GLS: variants seen among roughly 807,000 people sequenced by gnomAD.
The protein encoded by GLS is glutaminase kidney isoform, mitochondrial.
GLS carries 36 observed loss-of-function variants against 86.7 expected under a neutral mutation model. That is an observed-to-expected ratio of 0.42 (90% CI 0.32 to 0.55). GLS has a LOEUF of 0.55. Ranked by LOEUF, GLS falls within the 20% of genes least tolerant of loss-of-function variation. The pLI, the probability that GLS is intolerant of heterozygous loss-of-function variation, is 0.17. For missense variants in GLS, 528 were observed against 833.4 expected (o/e 0.63, Z 4.51); for synonymous variants, 317 against 305.9 (o/e 1.04, Z -0.38).
In GLS at chr2:190,920,898, A is replaced by G. The variant is rs926391792; in HGVS notation, c.1039-126A>G. The G allele has an allele frequency of 3.3e-5, 19 of 578,136 alleles. No homozygotes were observed. Among genetic ancestry groups the G allele is most frequent in the African/African-American group, 3.2e-4 (17 of 53,532 alleles). The allele number at this position is 578,136 out of a possible 1,614,324, so 35.8% of individuals were successfully genotyped here. A position where few individuals can be genotyped will look rare whatever the true frequency, so the allele number is the denominator to read the frequency against. ...ATAAATGTTAAATTACTTTAGAACT[A>G]TTTCCTAGATTTAAAAATACTAATG... On this transcript the variant is annotated intron_variant, in intron 7 of 17. Coordinates refer to ENST00000320717, the MANE Select transcript of GLS (RefSeq NM_014905.5). This position sits in a 1 kb window ranked among gnomAD's most constrained non-coding sequence, Gnocchi z 4.2.
In GLS at chr2:190,905,882, T is replaced by C. The variant is rs537547810; in HGVS notation, c.979+715T>C. On this transcript the variant is annotated intron_variant, in intron 6 of 17. Transcript: ENST00000320717. This position sits in a 1 kb window ranked among gnomAD's most constrained non-coding sequence, Gnocchi z 4.6. Reference sequence around the variant, plus strand: ...TGTTTCTGATTGATGAGTTAAGATATAGAATTGAAGAAAGTGAGAGCGAAG... The same window carrying C: ...TGTTTCTGATTGATGAGTTAAGATACAGAATTGAAGAAAGTGAGAGCGAAG... Among the ~76,000 whole-genome samples, 2 of 152,198 alleles carry C rather than the reference T, an allele frequency of 1.3e-5. No homozygotes were observed. Among genetic ancestry groups the C allele is most frequent in the Non-Finnish European group, 2.9e-5 (2 of 67,958 alleles).
chr2:190,917,492 G>A (rs138520274), intron 7 of GLS, among the ~76,000 whole-genome samples: 34 of 152,138 alleles, frequency 2.2e-4, no homozygotes, highest in African/African-American at 7.7e-4. Flanking sequence ...TTGATATTTC[G>A]ACCACCTATG....
chr2:190,914,443 T>A lies in GLS; in HGVS notation c.1038+4122T>A, dbSNP rs963527429. 2.0e-5 allele frequency among the ~76,000 whole-genome samples: 3 copies of A among 151,922 alleles called. No individual in the cohort carries two copies. The highest frequency in any genetic ancestry group is 7.2e-5 in the African/African-American group (3 of 41,404). Reference sequence around the variant, plus strand: ...AGTTTATGCTTTAGTTTTTTTTTTTTAATGAAAGGTAGAGCATTTATTGTC... The same window carrying A: ...AGTTTATGCTTTAGTTTTTTTTTTTAAATGAAAGGTAGAGCATTTATTGTC... On this transcript the variant is annotated intron_variant, in intron 7 of 17. Transcript: ENST00000320717. This position sits in a 1 kb window ranked among gnomAD's most constrained non-coding sequence, Gnocchi z 4.4.
intron 7 of GLS, among the ~76,000 whole-genome samples, chr2:190,915,831 A>G (rs1054508643): frequency 4.6e-5 from 7 of 152,214 alleles, no homozygotes; most frequent in Non-Finnish European, 1.0e-4. Flanking sequence ...AACTGGTAAT[A>G]AGTCCTGTTA....
At chr2:190,891,809 A>C (rs1298406595) in intron 1 of GLS, among the ~76,000 whole-genome samples, 1 of 152,166 alleles carries the variant, frequency 6.6e-6, no homozygotes, top group Admixed American at 6.5e-5. Flanking sequence ...ATAATAGCCT[A>C]TAGGTAGAAA....
intron 12 of GLS, among the ~76,000 whole-genome samples, chr2:190,929,314 T>C (rs1232352698): frequency 1.3e-5 from 2 of 152,148 alleles, no homozygotes; most frequent in African/African-American, 2.4e-5. Flanking sequence ...TAATTTGTTA[T>C]ATTTAAAAAC....
rs113668157 is a variant in GLS at position 190,955,805 on chromosome 2, G to A, written c.1853+987G>A. Among the ~76,000 whole-genome samples the A allele has an allele frequency of 0.015, 2,276 of 151,592 alleles. 59 individuals carry two copies. The highest frequency in any genetic ancestry group is 0.051 in the African/African-American group (2,096 of 41,446). ...TCCAGCATCTATTGTTTCCTTTTTA[G>A]TGATCGCCATTCTAACTGGTGTGAG... On this transcript the variant is annotated intron_variant, in intron 17 of 17. Transcript: ENST00000320717. This position sits in a 1 kb window ranked among gnomAD's most constrained non-coding sequence, Gnocchi z 5.6.
In GLS at chr2:190,921,354, T is replaced by G; in HGVS notation, c.1130+151T>G. The G allele has an allele frequency of 1.6e-6, 1 of 642,614 alleles. No individual in the cohort carries two copies. 39.8% of individuals were successfully genotyped at this position (642,614 alleles called of 1,614,324 possible). ...CTTTAAATAGTTTTGACAAATTTCT[T>G]ACAGGTAATCATACAATCAGAAGAG... On this transcript the variant is annotated intron_variant, in intron 9 of 17. Transcript: ENST00000320717. This position sits in a 1 kb window ranked among gnomAD's most constrained non-coding sequence, Gnocchi z 4.2.
At chr2:190,929,247 T>C in intron 12 of GLS, among the ~76,000 whole-genome samples, 1 of 151,870 alleles carries the variant, frequency 6.6e-6, no homozygotes, top group Non-Finnish European at 1.5e-5. Flanking sequence ...TTTTAGAAAA[T>C]CTTTTAAGAA....
chr2:190,942,319 A>T (rs914522994), intron 14 of GLS, among the ~76,000 whole-genome samples: 1 of 151,828 alleles, frequency 6.6e-6, no homozygotes, highest in African/African-American at 2.4e-5. Context: ...TGACCTCGTG[A>T]TCCGCCCGCC....
At chr2:190,929,585 G>A (rs745851996) in intron 12 of GLS, among the ~76,000 whole-genome samples, 66 of 150,116 alleles carry the variant, frequency 4.4e-4, no homozygotes, top group Non-Finnish European at 8.6e-4. Context: ...TTCTCCTGCC[G>A]CAGCCTCCCG....
At chr2:190,888,001 TAGCAGTTGTGGTTTATGAGAACG>T (rs1374645063) in intron 1 of GLS, among the ~76,000 whole-genome samples, 1 of 152,196 alleles carries the variant, frequency 6.6e-6, no homozygotes, top group Non-Finnish European at 1.5e-5. Context: ...AAAATGACAT[TAGCAGTTGTGGTTTATGAGAACG>T]AGCATTGTTT....
intron 4 of GLS, among the ~76,000 whole-genome samples, chr2:190,901,146 A>G (rs1688926398): frequency 6.6e-6 from 1 of 152,090 alleles, no homozygotes; most frequent in East Asian, 1.9e-4. Context: ...AGCAGGGGTT[A>G]GGGATGCCAA....
At chr2:190,919,794 A>T (rs1238478154) in intron 7 of GLS, 3 of 358,898 alleles carry the variant, frequency 8.4e-6, no homozygotes, top group Non-Finnish European at 7.8e-6. Context: ...CTTTAGAGAA[A>T]ATACATAGAT....
chr2:190,958,937 G>A (rs1362862770), intron 17 of GLS, among the ~76,000 whole-genome samples: 1 of 152,110 alleles, frequency 6.6e-6, no homozygotes. Flanking sequence ...TATTAGGTCT[G>A]CTTGGTCCAG....
Position 190,924,498 on chromosome 2 carries a change from A to G in GLS, c.1198-45A>G. 1 of 1,023,362 alleles carries G rather than the reference A, an allele frequency of 9.8e-7. No homozygotes were observed. Among genetic ancestry groups the G allele is most frequent in the Non-Finnish European group, 1.6e-6 (1 of 641,640 alleles). 63.4% of individuals were successfully genotyped at this position (1,023,362 alleles called of 1,614,324 possible). A position where few individuals can be genotyped will look rare whatever the true frequency, so the allele number is the denominator to read the frequency against. On this transcript the variant is annotated intron_variant, in intron 10 of 17. Transcript: ENST00000320717. This position sits in a 1 kb window ranked among gnomAD's most constrained non-coding sequence, Gnocchi z 5.2. Reference sequence around the variant, plus strand: ...TTCATATATTTCTCTACTTATGTGCATTCCTGTGTGCCTGAATTTTTAATT... The same window carrying G: ...TTCATATATTTCTCTACTTATGTGCGTTCCTGTGTGCCTGAATTTTTAATT...
intron 3 of GLS, among the ~76,000 whole-genome samples, chr2:190,896,855 C>T (rs558152449): frequency 1.3e-5 from 2 of 152,098 alleles, no homozygotes; most frequent in East Asian, 1.9e-4. Flanking sequence ...TGTGTCTTTG[C>T]GGTAAGGATT....
At position 190,914,727 on chromosome 2, in the gene GLS, C is replaced by T. The variant is rs531514252; in HGVS notation, c.1038+4406C>T. ...CATACTTTATGAATGGAATCAAGTG[C>T]GATACTTACAAAATAACTCTGATGC... On this transcript the variant is annotated intron_variant, in intron 7 of 17. Coordinates refer to ENST00000320717, the MANE Select transcript of GLS (RefSeq NM_014905.5). This position sits in a 1 kb window ranked among gnomAD's most constrained non-coding sequence, Gnocchi z 4.4. Among the ~76,000 whole-genome samples, 4 of 151,854 alleles carry T rather than the reference C, an allele frequency of 2.6e-5. No homozygotes were observed. The highest frequency in any genetic ancestry group is 5.9e-5 in the Non-Finnish European group (4 of 67,974).
At position 190,881,459 on chromosome 2, in the gene GLS, C is replaced by T. The variant is rs751307120; in HGVS notation, c.375C>T (p.Ala125=). The T allele has an allele frequency of 3.2e-6, 5 of 1,541,260 alleles. No individual in the cohort carries two copies. The South Asian group carries it at 4.8e-5, about 15-fold the overall frequency. The change falls in exon 1 of 18, where the codon GCC becomes GCT. Residue 125 remains alanine, a synonymous_variant. Coordinates refer to ENST00000320717, the MANE Select transcript of GLS (RefSeq NM_014905.5). The part of the protein sequence containing the change: ...FGNSEGKELV[A]SGENKIKQGL... ...ACAGCGAGGGCAAAGAGCTGGTGGC[C>T]TCAGGTGAAAAGTGAGTGTCTCCGC...
Sources: allele counts gnomAD v4.1 joint callset (sites outside exome capture counted in the v4.1 genomes callset), GRCh38; gene constraint gnomAD v4.1.1; non-coding constraint Gnocchi (gnomAD v3.1); transcripts MANE v1.5; gene names NCBI Gene and HGNC (gene_info 2026-07-23, HGNC 2026-07-21).